The following DROSHA variants were observed in gnomAD, a reference collection of about 807,000 sequenced individuals.
DROSHA encodes drosha ribonuclease III.
In DROSHA, 56 loss-of-function variants were observed where a neutral mutation model predicts 181.9. The ratio of observed to expected loss-of-function variants is 0.31; its 90% CI spans 0.25 to 0.38. DROSHA has a LOEUF of 0.38. Ranked by LOEUF, DROSHA falls within the 10% of genes least tolerant of loss-of-function variation. The probability of loss-of-function intolerance (pLI) is 1.00; values close to 1 mark genes in which losing one functional copy is unlikely to be tolerated. For missense variants in DROSHA, 1,218 were observed against 1,743.5 expected (o/e 0.70, Z 5.37); for synonymous variants, 524 against 591.2 (o/e 0.89, Z 1.65).
intron 27 of DROSHA, among the ~76,000 whole-genome samples, chr5:31,425,773 C>T (rs1743389147): frequency 6.6e-6 from 1 of 152,130 alleles, no homozygotes; most frequent in Non-Finnish European, 1.5e-5. Context: ...CAGAAGACGG[C>T]AGGCTTAGGA....
chr5:31,529,518 G>A (rs1168242783), intron 3 of DROSHA, among the ~76,000 whole-genome samples: 3 of 152,016 alleles, frequency 2.0e-5, no homozygotes, highest in African/African-American at 7.2e-5. Flanking sequence ...GGTGGATCAC[G>A]AGGGCAGGAG....
At chr5:31,415,924 A>ACTT (rs111770743) in intron 30 of DROSHA, among the ~76,000 whole-genome samples, 59 of 152,238 alleles carry the variant, frequency 3.9e-4, no homozygotes, top group African/African-American at 1.4e-3. Context: ...ATGAAACAGA[A>ACTT]CTTCCCTCTA....
intron 9 of DROSHA, among the ~76,000 whole-genome samples, chr5:31,509,579 G>C (rs1335428312): frequency 6.6e-6 from 1 of 152,194 alleles, no homozygotes; most frequent in Non-Finnish European, 1.5e-5. Context: ...AGAACACAGT[G>C]GACTAGCTAG....
At chr5:31,495,136 G>A (rs747704647) in intron 12 of DROSHA, 150 bp downstream of exon 12, 25 of 807,752 alleles carry the variant, frequency 3.1e-5, no homozygotes, top group Admixed American at 1.5e-4. Flanking sequence ...TGAAAGAAAC[G>A]TCATCGTGAG....
chr5:31,494,479 G>T (rs951383653), intron 12 of DROSHA, among the ~76,000 whole-genome samples: 1 of 151,770 alleles, frequency 6.6e-6, no homozygotes, highest in African/African-American at 2.4e-5. Flanking sequence ...CACAAAGATG[G>T]TCTAAATTAA....
chr5:31,509,965 C>T (rs972320399), intron 9 of DROSHA, among the ~76,000 whole-genome samples: 2 of 147,364 alleles, frequency 1.4e-5, no homozygotes, highest in African/African-American at 5.0e-5. Context: ...TGGTTGCAAA[C>T]AAGGTCATGT....
At chr5:31,463,773 C>T (rs1446326873) in intron 20 of DROSHA, among the ~76,000 whole-genome samples, 2 of 152,306 alleles carry the variant, frequency 1.3e-5, no homozygotes, top group East Asian at 3.9e-4. Context: ...GAAGTATACA[C>T]TGATTCTGTT....
Position 31,508,617 on chromosome 5 carries a change from G to C in DROSHA, c.1587+4C>G, listed in dbSNP as rs764084673. On this transcript the variant is annotated splice_donor_region_variant and intron_variant, in intron 10 of 35. Coordinates refer to ENST00000344624, the MANE Select transcript of DROSHA (RefSeq NM_001382508.1). ...CTTCACAGCAAGGGCATAAAAACAC[G>C]CACCTGGCCTGGATCGTTGTACCAA... 6.2e-7 allele frequency: 1 copy of C among 1,613,876 alleles called. No homozygotes were observed. The highest frequency in any genetic ancestry group is 1.1e-5 in the South Asian group (1 of 91,082).
chr5:31,471,964 C>T, intron 17 of DROSHA, 99 bp downstream of exon 17: 1 of 1,221,710 alleles, frequency 8.2e-7, no homozygotes, highest in Non-Finnish European at 1.1e-6. Context: ...GCAGTGACTA[C>T]CTAAAACTTT....
At chr5:31,485,779 T>C (rs1751666746) in intron 14 of DROSHA, among the ~76,000 whole-genome samples, 1 of 152,128 alleles carries the variant, frequency 6.6e-6, no homozygotes, top group Non-Finnish European at 1.5e-5. Context: ...TGCCGATCAA[T>C]TTCCCCCTCC....
At chr5:31,442,284 G>T (rs1745688588) in intron 23 of DROSHA, among the ~76,000 whole-genome samples, 2 of 152,058 alleles carry the variant, frequency 1.3e-5, no homozygotes, top group Non-Finnish European at 2.9e-5. Context: ...ATAAGAATGG[G>T]GATTAAATAC....
chr5:31,407,264 C>T (rs1205853602), intron 33 of DROSHA, among the ~76,000 whole-genome samples: 1 of 152,136 alleles, frequency 6.6e-6, no homozygotes, highest in Admixed American at 6.5e-5. Context: ...TGCATATTCA[C>T]AAACTTTTAT....
chr5:31,427,618 T>C (rs372435014), intron 27 of DROSHA, among the ~76,000 whole-genome samples: 12 of 152,264 alleles, frequency 7.9e-5, no homozygotes, highest in African/African-American at 2.6e-4. Context: ...AAGTAATCTC[T>C]TGCTGCTCCT....
intron 17 of DROSHA, among the ~76,000 whole-genome samples, chr5:31,469,586 C>T (rs1261946325): frequency 6.6e-6 from 1 of 152,140 alleles, no homozygotes; most frequent in Non-Finnish European, 1.5e-5. Flanking sequence ...AACAAAACAG[C>T]AGGATACATT....
rs1367120565 is a variant in DROSHA, at chr5:31,441,797, T to C, written c.2883-4499A>G. On this transcript the variant is annotated intron_variant, in intron 23 of 35. Coordinates refer to ENST00000344624, the MANE Select transcript of DROSHA (RefSeq NM_001382508.1). ...GTTTTAAGAAATAAATTCTTTTTCA[T>C]GAGCCAGTAAAATAAAAATGCATTT... Among the ~76,000 whole-genome samples, 5 of 152,212 alleles carry C rather than the reference T, an allele frequency of 3.3e-5. No homozygotes were observed. The East Asian group carries it at 5.8e-4, about 18-fold the overall frequency.
intron 5 of DROSHA, among the ~76,000 whole-genome samples, chr5:31,525,778 T>A (rs1740470513): frequency 6.6e-6 from 1 of 152,172 alleles, no homozygotes; most frequent in Non-Finnish European, 1.5e-5. Flanking sequence ...AAATACAAGA[T>A]CTTTCATCTC....
intron 10 of DROSHA, among the ~76,000 whole-genome samples, chr5:31,505,134 A>C (rs532765447): frequency 6.6e-6 from 1 of 152,172 alleles, no homozygotes; most frequent in Non-Finnish European, 1.5e-5. Flanking sequence ...CTCAGGTTAG[A>C]TTACATCTCT....
At position 31,526,698 on chromosome 5, in the gene DROSHA, C is replaced by G; in HGVS notation, c.235G>C (p.Val79Leu). The G allele has an allele frequency of 1.3e-6, 2 of 1,538,458 alleles. No individual in the cohort carries two copies. The highest frequency in any genetic ancestry group is 3.5e-4 in the Middle Eastern group (2 of 5,682). The change falls in exon 5 of 36, where the codon GTA becomes CTA. Residue 79 changes from valine (V) to leucine (L), a missense_variant. Coordinates refer to ENST00000344624, the MANE Select transcript of DROSHA (RefSeq NM_001382508.1). ...GGAGGCATGGGTGGGGGGAAGGGTA[C>G]AAAGTCTGGTCGTGGAGGGAGAAAA... is the stretch of plus-strand genomic sequence containing the variant. ...PNFLPPRPDF[V>L]PFPPPMPPSA...
intron 12 of DROSHA, 83 bp from the exon 13 acceptor site, chr5:31,493,376 AC>A: frequency 8.2e-7 from 1 of 1,221,018 alleles, no homozygotes; most frequent in Non-Finnish European, 1.1e-6. Context: ...ACAGAAAGTA[AC>A]CAATAGAACA....
Sources: allele counts gnomAD v4.1 joint callset (sites outside exome capture counted in the v4.1 genomes callset), GRCh38; gene constraint gnomAD v4.1.1; transcripts MANE v1.5; gene names NCBI Gene and HGNC (gene_info 2026-07-23, HGNC 2026-07-21).